The following LRRC34 variants were observed in gnomAD, a reference collection of about 807,000 sequenced individuals.
LRRC34 encodes the protein leucine-rich repeat-containing protein 34.
In LRRC34, 44 loss-of-function variants were observed where a neutral mutation model predicts 48.5. That is an observed-to-expected ratio of 0.91 (90% confidence interval 0.71 to 1.17). The LOEUF (loss-of-function observed/expected upper bound fraction) is 1.17, where lower values mean the gene tolerates loss of function less well. LRRC34 is among the 50% of genes most tolerant of loss of function. The pLI is 0.00. For synonymous variants in LRRC34, 192 were observed against 197.6 expected (o/e 0.97, Z 0.24); for missense variants, 502 against 563.0 (o/e 0.89, Z 1.10).
Position 169,808,315 on chromosome 3 carries a change from GAAA to G in LRRC34, c.257+310_257+312del, listed in dbSNP as rs796111859. ...GGCGACAGAGGGAGGCACCATCTCAGAAAAAAAAAAAAAAAAAAAAGATTCACC... is the reference window on the plus strand; with the variant it reads ...GGCGACAGAGGGAGGCACCATCTCAGAAAAAAAAAAAAAAAAAGATTCACC... On this transcript the variant is annotated intron_variant, in intron 2 of 10. Coordinates refer to ENST00000446859, the MANE Select transcript of LRRC34 (RefSeq NM_001172779.2). Among the ~76,000 whole-genome samples, 383 of 52,886 alleles carry G rather than the reference GAAA, an allele frequency of 7.2e-3. 1 individual carries two copies. The highest frequency in any genetic ancestry group is 0.018 in the African/African-American group (355 of 19,934). The allele number at this position is 52,886 out of a possible 152,430, so 34.7% of individuals were successfully genotyped here.
chr3:169,795,809 T>G (rs1778965636), intron 9 of LRRC34, 198 bp from the exon 10 acceptor site: 2 of 1,252,394 alleles, frequency 1.6e-6, no homozygotes, highest in Non-Finnish European at 2.0e-6. Flanking sequence ...TAACTACATT[T>G]TGAAAGTCTT....
At position 169,812,370 on chromosome 3, in the gene LRRC34, G is replaced by A. The variant is rs1389722327; in HGVS notation, c.139+40C>T. The A allele has an allele frequency of 1.3e-6, 2 of 1,506,574 alleles. No homozygotes were observed. The highest frequency in any genetic ancestry group is 8.8e-7 in the Non-Finnish European group (1 of 1,134,988). The allele number at this position is 1,506,574 out of a possible 1,614,324, so 93.3% of individuals were successfully genotyped here. On this transcript the variant is annotated intron_variant, in intron 1 of 10. Transcript: ENST00000446859. This position sits in a 1 kb window ranked among gnomAD's most constrained non-coding sequence, Gnocchi z 4.3. ...GACCCCGGCGCCCCTCGCGCGTTTT[G>A]TCTGGGCCAGGCCGCGCAGACGTGC...
At chr3:169,810,891 C>A (rs1779539467) in intron 1 of LRRC34, among the ~76,000 whole-genome samples, 1 of 152,176 alleles carries the variant, frequency 6.6e-6, no homozygotes, top group South Asian at 2.1e-4. Context: ...ATGGTGAAAC[C>A]CTATCTCTAC....
At position 169,800,721 on chromosome 3, in the gene LRRC34, G is replaced by A. The variant is rs373250417; in HGVS notation, c.691C>T (p.Leu231=). 54 of 1,535,166 alleles carry A rather than the reference G, an allele frequency of 3.5e-5. No homozygotes were observed. The East Asian group carries it at 6.6e-4, about 19-fold the overall frequency. Reference sequence around the variant, plus strand: ...GCCTTAATTGCTTGGTTTTGAGTTAGTACTGTAGCAAATGCTATCACACTT... The same window carrying A: ...GCCTTAATTGCTTGGTTTTGAGTTAATACTGTAGCAAATGCTATCACACTT... ...MQSVIAFATV[L]TQNQAIKAIN... is the part of the protein sequence containing the mutation. Residue 231 remains leucine, a synonymous_variant, in exon 7 of 11, where the codon CTA becomes TTA. Coordinates refer to ENST00000446859, the MANE Select transcript of LRRC34 (RefSeq NM_001172779.2).
rs1779424183 is a variant in LRRC34 at position 169,807,657 on chromosome 3, C to T, written c.310G>A (p.Val104Ile). Residue 104 changes from valine (V) to isoleucine (I), a missense_variant, in exon 3 of 11, where the codon GTA becomes ATA. Val to Ile is a conservative substitution (Grantham distance 29). Coordinates refer to ENST00000446859, the MANE Select transcript of LRRC34 (RefSeq NM_001172779.2). ...AAATCTTCACCTGTAACTCTTTCTA[C>T]TGGCACTAAGCGATTGTTACCAGCA... is the stretch of plus-strand genomic sequence containing the variant. ...NIAGNNRLVP[V>I]ERVTGEDFWI... is the part of the protein sequence containing the mutation. 2 of 1,603,750 alleles carry T rather than the reference C, an allele frequency of 1.2e-6. No individual in the cohort carries two copies. The highest frequency in any genetic ancestry group is 2.2e-5 in the South Asian group (2 of 90,512).
At chr3:169,794,246 A>G (rs1186189271) in intron 10 of LRRC34, 1 of 160,602 alleles carries the variant, frequency 6.2e-6, no homozygotes, top group Non-Finnish European at 1.4e-5. Context: ...ATCTGCTGAT[A>G]GCTAGTTACC....
chr3:169,807,446 A>T lies in LRRC34; in HGVS notation c.424T>A (p.Tyr142Asn). 1 of 1,614,048 alleles carries T rather than the reference A, an allele frequency of 6.2e-7. No homozygotes were observed. Among genetic ancestry groups the T allele is most frequent in the Non-Finnish European group, 8.5e-7 (1 of 1,179,946 alleles). Residue 142 changes from tyrosine (Y) to asparagine (N), a missense_variant, in exon 4 of 11, where the codon TAT becomes AAT. Transcript: ENST00000446859. ...YNLLCDVGAY[Y>N]AAKLLQKQLN... is the part of the protein sequence containing the mutation. ...AATACCTGAAGCAGTTTCGCAGCAT[A>T]GTATGCACCAACATCACATAGAAGG...
rs1299773095 is a variant in LRRC34, at chr3:169,812,196, GC to G, written c.139+213del. Among the ~76,000 whole-genome samples, 1 of 150,882 alleles carries G rather than the reference GC, an allele frequency of 6.6e-6. No homozygotes were observed. Among genetic ancestry groups the G allele is most frequent in the African/African-American group, 2.5e-5 (1 of 40,734 alleles). ...ACTCCTCTCCGTGGACTCCTCTCCT[GC>G]CCCCGGTCGCAAAGGGCGACCGGGG... On this transcript the variant is annotated intron_variant, in intron 1 of 10. Transcript: ENST00000446859. This position sits in a 1 kb window ranked among gnomAD's most constrained non-coding sequence, Gnocchi z 4.3.
chr3:169,806,776 ACT>A, intron 5 of LRRC34, 70 bp downstream of exon 5: 1 of 859,988 alleles, frequency 1.2e-6, no homozygotes, highest in African/African-American at 1.7e-5. Flanking sequence ...AACATTGGAC[ACT>A]GTTGGTTCCA....
In LRRC34 at chr3:169,812,831, C is replaced by T; in HGVS notation, c.-283G>A. On this transcript the variant is annotated 5_prime_UTR_variant, in exon 1 of 11. Transcript: ENST00000446859. The surrounding 1 kb of genome is among the most constrained non-coding windows in gnomAD (Gnocchi z 4.3). ...GGCTACAAAGAAGATTATGACAAAGCCCGCTCCTACAAAGTGTGCACCGGC... is the reference window on the plus strand; with the variant it reads ...GGCTACAAAGAAGATTATGACAAAGTCCGCTCCTACAAAGTGTGCACCGGC... 9.5e-6 allele frequency: 4 copies of T among 422,404 alleles called. No individual in the cohort carries two copies. The South Asian group carries it at 1.7e-4, about 18-fold the overall frequency. 26.2% of individuals were successfully genotyped at this position (422,404 alleles called of 1,614,324 possible).
chr3:169,802,953 G>A (rs1303386504), intron 6 of LRRC34, among the ~76,000 whole-genome samples: 1 of 151,774 alleles, frequency 6.6e-6, no homozygotes, highest in Non-Finnish European at 1.5e-5. Flanking sequence ...CTCCAGCCTG[G>A]GTGACAAGAG....
intron 1 of LRRC34, among the ~76,000 whole-genome samples, chr3:169,811,009 T>C (rs991849990): frequency 1.3e-5 from 2 of 152,166 alleles, no homozygotes; most frequent in African/African-American, 4.8e-5. Flanking sequence ...GGTTACAAGG[T>C]TGCAGTGGGC....
intron 2 of LRRC34, among the ~76,000 whole-genome samples, chr3:169,808,287 C>G (rs1304314050): frequency 6.7e-6 from 1 of 148,870 alleles, no homozygotes; most frequent in Non-Finnish European, 1.5e-5. Flanking sequence ...GCACTCTAGC[C>G]TGGGCGACAG....
intron 6 of LRRC34, among the ~76,000 whole-genome samples, chr3:169,803,618 G>A (rs1779269606): frequency 6.6e-6 from 1 of 152,130 alleles, no homozygotes; most frequent in Non-Finnish European, 1.5e-5. Flanking sequence ...TTTTAGTAGA[G>A]ACGGGGTTTC....
Position 169,808,407 on chromosome 3 carries a change from C to G in LRRC34, c.257+221G>C, listed in dbSNP as rs982335224. Among the ~76,000 whole-genome samples the G allele has an allele frequency of 3.3e-5, 5 of 151,856 alleles. No homozygotes were observed. In the South Asian group the frequency reaches 1.0e-3, roughly 32 times the overall value. ...AGAAGTTAAAGATCACTCTGGAGCC[C>G]AAGCTTGGGTACTCCTGGTCTAGTG... is the stretch of plus-strand genomic sequence containing the variant. On this transcript the variant is annotated intron_variant, in intron 2 of 10. Coordinates refer to ENST00000446859, the MANE Select transcript of LRRC34 (RefSeq NM_001172779.2).
Position 169,812,513 on chromosome 3 carries a change from C to T in LRRC34, c.36G>A (p.Arg12=). The change falls in exon 1 of 11, where the codon AGG becomes AGA. Residue 12 remains arginine (R), a synonymous_variant. Coordinates refer to ENST00000446859, the MANE Select transcript of LRRC34 (RefSeq NM_001172779.2). This position sits in a 1 kb window ranked among gnomAD's most constrained non-coding sequence, Gnocchi z 4.3. ...CGGCCTCCCGGGAGCTCCCCATGCT[C>T]CTCTCACCCACTGGCCGCGGCGGCT... ...AAQPPRPVGE[R]SMGSSREAAR... 1 of 1,520,740 alleles carries T rather than the reference C, an allele frequency of 6.6e-7. No homozygotes were observed. Among genetic ancestry groups the T allele is most frequent in the African/African-American group, 1.4e-5 (1 of 70,594 alleles). 94.2% of individuals were successfully genotyped at this position (1,520,740 alleles called of 1,614,324 possible).
rs889898848 is a variant in LRRC34 at position 169,793,449 on chromosome 3, C to A, written c.*186G>T. 5 of 477,468 alleles carry A rather than the reference C, an allele frequency of 1.0e-5. No individual in the cohort carries two copies. In the Admixed American group the frequency reaches 1.1e-4, roughly 11 times the overall value. 29.6% of individuals were successfully genotyped at this position (477,468 alleles called of 1,614,324 possible). A position where few individuals can be genotyped will look rare whatever the true frequency, so the allele number is the denominator to read the frequency against. On this transcript the variant is annotated 3_prime_UTR_variant, in exon 11 of 11. Transcript: ENST00000446859. ...TTTTAGTCTCTATATTGTAAAATTT[C>A]TTTTAAAAAATTACCCTACTCAGTT...
intron 2 of LRRC34, 136 bp downstream of exon 2, chr3:169,808,492 C>T (rs1050924208): frequency 5.2e-6 from 3 of 576,106 alleles, no homozygotes; most frequent in Non-Finnish European, 9.4e-6. Flanking sequence ...CGTGTACTTA[C>T]TTACCTGAAT....
At chr3:169,804,839 C>G (rs915115861) in intron 5 of LRRC34, among the ~76,000 whole-genome samples, 4 of 152,152 alleles carry the variant, frequency 2.6e-5, no homozygotes, top group Admixed American at 2.6e-4. Flanking sequence ...TTAAAGTATA[C>G]AATTCAGTAG....
Sources: allele counts gnomAD v4.1 joint callset (sites outside exome capture counted in the v4.1 genomes callset), GRCh38; gene constraint gnomAD v4.1.1; non-coding constraint Gnocchi (gnomAD v3.1); transcripts MANE v1.5; gene names NCBI Gene and HGNC (gene_info 2026-07-23, HGNC 2026-07-21).